The following MCTP1 variants were observed in gnomAD, a reference collection of about 807,000 sequenced individuals.
The protein encoded by MCTP1 is multiple C2 and transmembrane domain-containing protein 1.
Under a neutral mutation model 120.6 loss-of-function variants are expected in MCTP1, and 69 were observed. The observed-to-expected ratio is 0.57, with a 90% CI of 0.47 to 0.70. The LOEUF is 0.70. Ranked by LOEUF, MCTP1 falls within the 30% of genes least tolerant of loss-of-function variation. The pLI, the probability that MCTP1 is intolerant of heterozygous loss-of-function variation, is 0.00. For missense variants in MCTP1, 1,203 were observed against 1,248.8 expected (o/e 0.96, Z 0.55); for synonymous variants, 529 against 493.1 (o/e 1.07, Z -0.96).
chr5:95,117,125 A>G (rs1007875523), intron 1 of MCTP1, among the ~76,000 whole-genome samples: 1 of 152,166 alleles, frequency 6.6e-6, no homozygotes, highest in Non-Finnish European at 1.5e-5. Flanking sequence ...CACAGCCAAC[A>G]AACATATGAA....
intron 2 of MCTP1, among the ~76,000 whole-genome samples, chr5:94,964,320 T>C (rs989251331): frequency 4.6e-5 from 7 of 152,314 alleles, no homozygotes; most frequent in African/African-American, 1.4e-4. Context: ...TGCTTGAGAA[T>C]GATGTGCTGC....
At chr5:94,862,259 G>A (rs1795951554) in intron 17 of MCTP1, among the ~76,000 whole-genome samples, 1 of 151,708 alleles carries the variant, frequency 6.6e-6, no homozygotes, top group Admixed American at 6.6e-5. Flanking sequence ...CCTCTACAGG[G>A]ATTAAATTCT....
chr5:94,837,033 C>G (rs1031052056), intron 17 of MCTP1, among the ~76,000 whole-genome samples: 3 of 151,940 alleles, frequency 2.0e-5, no homozygotes, highest in African/African-American at 4.8e-5. Flanking sequence ...TTGACAGAAG[C>G]AAAAATGAGT....
intron 10 of MCTP1, among the ~76,000 whole-genome samples, chr5:94,905,590 A>G (rs1359241011): frequency 6.6e-6 from 1 of 152,184 alleles, no homozygotes; most frequent in African/African-American, 2.4e-5. Context: ...TTGCTGATTG[A>G]TTTGATGAGA....
chr5:95,218,733 T>C (rs1437623613), intron 1 of MCTP1, among the ~76,000 whole-genome samples: 1 of 152,254 alleles, frequency 6.6e-6, no homozygotes, highest in Non-Finnish European at 1.5e-5. Flanking sequence ...TCATGGAATG[T>C]ACTTACACAA....
chr5:95,175,761 C>T (rs937787472), intron 1 of MCTP1, among the ~76,000 whole-genome samples: 3 of 152,172 alleles, frequency 2.0e-5, no homozygotes, highest in African/African-American at 4.8e-5. Context: ...GTCCTCAGCA[C>T]GGCCCTCAGA....
intron 7 of MCTP1, among the ~76,000 whole-genome samples, chr5:94,920,599 A>G (rs2153457921): frequency 6.6e-6 from 1 of 151,982 alleles, no homozygotes; most frequent in South Asian, 2.1e-4. Flanking sequence ...AAAATCAGCC[A>G]GGCTTGGTGG....
At chr5:95,253,384 T>C (rs561010062) in intron 1 of MCTP1, among the ~76,000 whole-genome samples, 82 of 152,178 alleles carry the variant, frequency 5.4e-4, no homozygotes, top group Non-Finnish European at 9.6e-4. Context: ...TTACAAGAAG[T>C]TTAATAATTC....
At chr5:94,884,128 C>T (rs1300350391) in intron 12 of MCTP1, among the ~76,000 whole-genome samples, 1 of 152,162 alleles carries the variant, frequency 6.6e-6, no homozygotes, top group Admixed American at 6.6e-5. Flanking sequence ...CAGGCAGCCT[C>T]CTGATAATGA....
At chr5:94,997,767 T>C (rs1011739796) in intron 2 of MCTP1, among the ~76,000 whole-genome samples, 4 of 152,188 alleles carry the variant, frequency 2.6e-5, no homozygotes, top group African/African-American at 7.2e-5. Flanking sequence ...ATTTATGTAT[T>C]TTTTCAATAC....
intron 2 of MCTP1, among the ~76,000 whole-genome samples, chr5:94,976,141 T>A (rs1488748339): frequency 6.6e-6 from 1 of 152,170 alleles, no homozygotes; most frequent in Non-Finnish European, 1.5e-5. Context: ...AAGCTTAATA[T>A]CACAAGAGTA....
In MCTP1 at chr5:94,942,397, C is replaced by A; in HGVS notation, c.1012G>T (p.Asp338Tyr). ...VFDYDFGLQDDFMGSAFLDLT... is the reference protein window; with the variant it reads ...VFDYDFGLQDYFMGSAFLDLT... ...TCCAGAAAGGCTGAGCCCATAAAGT[C>A]ATCCTGTAGTCCAAAATCATAGTCA... The change falls in exon 4 of 23, where the codon GAC becomes TAC. Residue 338 changes from aspartate (D) to tyrosine (Y), a missense_variant. This residue lies in a region of MCTP1 where 740 missense variants were observed against 871.1 expected (regional missense o/e 0.85). Transcript: ENST00000515393. The A allele has an allele frequency of 2.5e-6, 4 of 1,611,210 alleles. No individual in the cohort carries two copies. Among genetic ancestry groups the A allele is most frequent in the South Asian group, 1.1e-5 (1 of 90,958 alleles).
At chr5:95,093,175 G>A (rs1755976985) in intron 1 of MCTP1, among the ~76,000 whole-genome samples, 1 of 152,210 alleles carries the variant, frequency 6.6e-6, no homozygotes, top group African/African-American at 2.4e-5. Context: ...TAGTTGCAAA[G>A]GTCGTTGTTT....
rs369563068 is a variant in MCTP1, at chr5:94,875,388, T to TG, written c.1934-2148dup. Among the ~76,000 whole-genome samples the TG allele has an allele frequency of 1.3e-3, 203 of 151,322 alleles. 2 individuals carry two copies. Among genetic ancestry groups the TG allele is most frequent in the African/African-American group, 4.3e-3 (179 of 41,240 alleles). The stretch of plus-strand genomic sequence containing the variant: ...GAATGTTCTGGGGAGATTGGACAGG[T>TG]GGGGGGTTGGAGGGGTGGTAGTAGG... On this transcript the variant is annotated intron_variant, in intron 12 of 22. Coordinates refer to ENST00000515393, the MANE Select transcript of MCTP1 (RefSeq NM_024717.7).
At chr5:95,122,131 C>T (rs1411613517) in intron 1 of MCTP1, among the ~76,000 whole-genome samples, 1 of 151,950 alleles carries the variant, frequency 6.6e-6, no homozygotes, top group Non-Finnish European at 1.5e-5. Flanking sequence ...GGCAATCAAA[C>T]CAAAAATGGA....
chr5:95,098,964 G>A lies in MCTP1; in HGVS notation c.721-81480C>T, dbSNP rs949407771. ...ACAGAACAGAGCCCTCAGAAATAAC[G>A]CCGCATATCTGCAACTATCTGATCT... On this transcript the variant is annotated intron_variant, in intron 1 of 22. Coordinates refer to ENST00000515393, the MANE Select transcript of MCTP1 (RefSeq NM_024717.7). Among the ~76,000 whole-genome samples the A allele has an allele frequency of 4.2e-3, 636 of 152,120 alleles. 5 individuals carry two copies. The highest frequency in any genetic ancestry group is 0.015 in the African/African-American group (615 of 41,498).
At chr5:95,129,853 G>C (rs1758911064) in intron 1 of MCTP1, among the ~76,000 whole-genome samples, 2 of 152,072 alleles carry the variant, frequency 1.3e-5, no homozygotes, top group African/African-American at 4.8e-5. Flanking sequence ...TAGAGACAGG[G>C]TTTCGCTGTG....
chr5:95,199,151 T>C (rs1750718215), intron 1 of MCTP1, among the ~76,000 whole-genome samples: 1 of 152,220 alleles, frequency 6.6e-6, no homozygotes, highest in African/African-American at 2.4e-5. Context: ...AATTTTAAAA[T>C]ATAACCAACA....
chr5:94,718,648 C>T (rs990824280), intron 19 of MCTP1, among the ~76,000 whole-genome samples: 55 of 152,208 alleles, frequency 3.6e-4, no homozygotes, highest in African/African-American at 1.3e-3. Context: ...TCTACAAGAA[C>T]TTAAATTTAC....
Sources: allele counts gnomAD v4.1 joint callset (sites outside exome capture counted in the v4.1 genomes callset), GRCh38; gene constraint gnomAD v4.1.1; regional missense constraint gnomAD v4.1.1; transcripts MANE v1.5; gene names NCBI Gene and HGNC (gene_info 2026-07-23, HGNC 2026-07-21).